Variants in PALM2AKAP2 observed in about 807,000 individuals in gnomAD.
The protein encoded by PALM2AKAP2 is PALM2 and AKAP2 fusion.
In PALM2AKAP2, 37 loss-of-function variants were observed where a neutral mutation model predicts 71.5. The observed-to-expected ratio is 0.52, with a 90% CI of 0.40 to 0.68. The LOEUF is 0.68. Ranked by LOEUF, PALM2AKAP2 falls within the 30% of genes least tolerant of loss-of-function variation. The pLI, the probability that PALM2AKAP2 is intolerant of heterozygous loss-of-function variation, is 0.00. For missense variants in PALM2AKAP2, 1,224 were observed against 1,191.8 expected, an observed-to-expected ratio of 1.03 and a Z score of -0.40; for synonymous variants, 468 against 478.8, an observed-to-expected ratio of 0.98 and a Z score of 0.29.
chr9:109,865,908 C>CA lies in PALM2AKAP2; in HGVS notation c.46-1583_46-1582insA, dbSNP rs567155310. Among the ~76,000 whole-genome samples the CA allele has an allele frequency of 2.0e-5, 3 of 152,304 alleles. No individual in the cohort carries two copies. The South Asian group carries it at 6.2e-4, about 32-fold the overall frequency. On this transcript the variant is annotated intron_variant, in intron 1 of 9. Coordinates refer to the PALM2AKAP2 transcript ENST00000302798. ...AGATGGTGGATGTGGGCTGTTCCCA[C>CA]TGTGCCTCACTTTTCCCATCCACTG...
At chr9:109,749,320 A>T (rs138520727) in intron 1 of PALM2AKAP2, among the ~76,000 whole-genome samples, 1 of 152,150 alleles carries the variant, frequency 6.6e-6, no homozygotes, top group South Asian at 2.1e-4. Flanking sequence ...GCGCCCCACC[A>T]TATTAGAACC....
chr9:110,060,664 C>T (rs890917440), intron 1 of PALM2AKAP2, among the ~76,000 whole-genome samples: 20 of 152,042 alleles, frequency 1.3e-4, no homozygotes, highest in Non-Finnish European at 1.0e-4. Flanking sequence ...TGCAGTGGCG[C>T]GATCTCGGCT....
chr9:109,916,344 G>C (rs547175933), intron 3 of PALM2AKAP2, among the ~76,000 whole-genome samples: 37 of 152,340 alleles, frequency 2.4e-4, no homozygotes, highest in African/African-American at 8.4e-4. Flanking sequence ...TTGCAGGAAG[G>C]TAGGCTCTCA....
intron 6 of PALM2AKAP2, among the ~76,000 whole-genome samples, chr9:109,954,969 G>A (rs1171189307): frequency 8.6e-5 from 13 of 152,004 alleles, no homozygotes; most frequent in Admixed American, 8.5e-4. Flanking sequence ...GCCATATTCC[G>A]TTGTTCATCA....
At chr9:109,873,514 C>A (rs1829653645) in intron 2 of PALM2AKAP2, among the ~76,000 whole-genome samples, 2 of 150,908 alleles carry the variant, frequency 1.3e-5, no homozygotes, top group South Asian at 4.2e-4. Context: ...TAGCCATATT[C>A]CAACCATCAT....
At chr9:110,070,874 A>G (rs879028124) in intron 1 of PALM2AKAP2, among the ~76,000 whole-genome samples, 1 of 152,144 alleles carries the variant, frequency 6.6e-6, no homozygotes, top group Non-Finnish European at 1.5e-5. Flanking sequence ...CGAATTAGAA[A>G]TTAGAGGCCA....
intron 3 of PALM2AKAP2, among the ~76,000 whole-genome samples, chr9:109,905,935 G>A (rs138012954): frequency 0.016 from 2,444 of 152,068 alleles, 58 homozygotes; most frequent in African/African-American, 0.056. Flanking sequence ...GACCAGCCTG[G>A]GAAACATAGC....
At chr9:110,165,185 A>T (rs185505493) in intron 3 of PALM2AKAP2, among the ~76,000 whole-genome samples, 2 of 152,174 alleles carry the variant, frequency 1.3e-5, no homozygotes, top group Non-Finnish European at 2.9e-5. Context: ...CCCCAGAGAC[A>T]TATGCCTTTT....
chr9:109,968,865 T>TCC (rs887326444), intron 6 of PALM2AKAP2, among the ~76,000 whole-genome samples: 1 of 152,140 alleles, frequency 6.6e-6, no homozygotes, highest in Non-Finnish European at 1.5e-5. Context: ...CAGGATTTCT[T>TCC]CCAGTGACAG....
intron 2 of PALM2AKAP2, among the ~76,000 whole-genome samples, chr9:109,868,766 C>A (rs1030191697): frequency 1.3e-5 from 2 of 152,174 alleles, no homozygotes; most frequent in South Asian, 4.1e-4. Context: ...AAGGATATTG[C>A]CTGTTTCTCT....
intron 1 of PALM2AKAP2, among the ~76,000 whole-genome samples, chr9:110,114,728 G>C (rs1835326040): frequency 6.6e-6 from 1 of 152,112 alleles, no homozygotes; most frequent in Non-Finnish European, 1.5e-5. Context: ...GATCAAAGAG[G>C]GTCTCTGGAG....
intron 1 of PALM2AKAP2, among the ~76,000 whole-genome samples, chr9:109,809,691 G>T (rs567852418): frequency 6.6e-6 from 1 of 152,320 alleles, no homozygotes; most frequent in East Asian, 1.9e-4. Context: ...AGATTTGGGA[G>T]AGGCCAGGAG....
At position 109,688,067 on chromosome 9, in the gene PALM2AKAP2, C is replaced by T. The variant is rs149466479; in HGVS notation, c.5+47201C>T. ...GGTTTGTAGCACCCCGAAACAATTA[C>T]GATGGTAACATCAAAGATCACGGAT... On this transcript the variant is annotated intron_variant, in intron 1 of 6. Coordinates refer to the PALM2AKAP2 transcript ENST00000374531. Among the ~76,000 whole-genome samples, 187 of 152,242 alleles carry T rather than the reference C, an allele frequency of 1.2e-3. 1 individual carries two copies. Among genetic ancestry groups the T allele is most frequent in the African/African-American group, 4.2e-3 (176 of 41,540 alleles).
chr9:109,866,918 G>C (rs1318127033), intron 1 of PALM2AKAP2: 1 of 411,128 alleles, frequency 2.4e-6, no homozygotes, highest in East Asian at 7.1e-5. Context: ...GCTACCCCAA[G>C]GCTAGTGGCA....
chr9:109,887,059 G>A (rs1303643376), intron 3 of PALM2AKAP2, among the ~76,000 whole-genome samples: 1 of 152,210 alleles, frequency 6.6e-6, no homozygotes, highest in African/African-American at 2.4e-5. Context: ...GAGTACCTGT[G>A]TGGGTCTCTG....
At chr9:109,975,389 G>T (rs1247043677) in intron 6 of PALM2AKAP2, among the ~76,000 whole-genome samples, 2 of 152,202 alleles carry the variant, frequency 1.3e-5, no homozygotes, top group Non-Finnish European at 2.9e-5. Context: ...CTCCACTTTT[G>T]TGTTCTATTC....
chr9:110,080,122 A>AAATC (rs1383967175), intron 1 of PALM2AKAP2, among the ~76,000 whole-genome samples: 13 of 151,834 alleles, frequency 8.6e-5, no homozygotes, highest in African/African-American at 2.9e-4. Flanking sequence ...CCTATCTGAA[A>AAATC]AATCAACTTT....
At chr9:110,075,783 C>G (rs1329852997) in intron 1 of PALM2AKAP2, among the ~76,000 whole-genome samples, 1 of 151,888 alleles carries the variant, frequency 6.6e-6, no homozygotes, top group Non-Finnish European at 1.5e-5. Context: ...AAAAGAGTTG[C>G]AAGAGTAGTA....
intron 6 of PALM2AKAP2, among the ~76,000 whole-genome samples, chr9:109,939,127 C>T (rs1304494421): frequency 2.0e-5 from 3 of 152,178 alleles, no homozygotes; most frequent in African/African-American, 7.2e-5. Context: ...CCACATATCA[C>T]CTGCTCTAAA....
Sources: gnomAD v4.1 joint callset for allele counts (sites outside exome capture counted in the v4.1 genomes callset) on GRCh38, gnomAD v4.1.1 for gene constraint, MANE v1.5 for transcripts, NCBI Gene and HGNC (gene_info 2026-07-23, HGNC 2026-07-21) for gene names.